Variants in DAOA observed in about 807,000 individuals in gnomAD.
DAOA encodes D-amino acid oxidase activator.
DAOA carries 15 observed loss-of-function variants against 16.4 expected under a neutral mutation model. The observed-to-expected ratio is 0.91, with a 90% confidence interval of 0.61 to 1.41. The LOEUF (loss-of-function observed/expected upper bound fraction) is 1.41, where lower values mean the gene tolerates loss of function less well. Among genes scored for constraint, DAOA ranks in the 40% most tolerant of loss-of-function variants. The pLI is 0.00. For missense variants in DAOA, 230 were observed against 176.8 expected (o/e 1.30, Z -1.71); for synonymous variants, 75 against 59.1 (o/e 1.27, Z -1.23).
At chr13:105,474,156 A>C (rs144129340) in intron 4 of DAOA, among the ~76,000 whole-genome samples, 44 of 152,206 alleles carry the variant, frequency 2.9e-4, no homozygotes, top group African/African-American at 1.0e-3. Context: ...TAAGTAATGA[A>C]ATTATTTATT....
intron 3 of DAOA, among the ~76,000 whole-genome samples, chr13:105,469,124 T>A (rs962445450): frequency 6.6e-6 from 1 of 152,304 alleles, no homozygotes; most frequent in Non-Finnish European, 1.5e-5. Context: ...GAGAGAGTTA[T>A]CATCTCATTA....
intron 4 of DAOA, among the ~76,000 whole-genome samples, chr13:105,478,041 T>C (rs1475983564): frequency 6.6e-6 from 1 of 152,232 alleles, no homozygotes; most frequent in Non-Finnish European, 1.5e-5. Context: ...TCTGTAATGA[T>C]AGTTAATACT....
chr13:105,473,583 T>C (rs1877141197), intron 4 of DAOA, among the ~76,000 whole-genome samples: 1 of 152,134 alleles, frequency 6.6e-6, no homozygotes, highest in Non-Finnish European at 1.5e-5. Flanking sequence ...CTAAAGCCCT[T>C]TAGTTTGCCA....
intron 4 of DAOA, among the ~76,000 whole-genome samples, chr13:105,473,270 A>G (rs971893860): frequency 4.5e-4 from 68 of 152,004 alleles, no homozygotes; most frequent in African/African-American, 1.6e-3. Context: ...AAGCTCTACC[A>G]AGCTACAATA....
At chr13:105,473,123 G>T (rs757309601) in intron 4 of DAOA, among the ~76,000 whole-genome samples, 20 of 151,614 alleles carry the variant, frequency 1.3e-4, no homozygotes, top group Non-Finnish European at 2.5e-4. Context: ...ACATGGGAAA[G>T]GAACAATGTA....
At chr13:105,479,126 A>G (rs560721185) in intron 4 of DAOA, among the ~76,000 whole-genome samples, 2 of 152,304 alleles carry the variant, frequency 1.3e-5, no homozygotes, top group East Asian at 1.9e-4. Context: ...CTCACCTTTT[A>G]GAACACAGCC....
At position 105,477,466 on chromosome 13, in the gene DAOA, T is replaced by A. The variant is rs528490422; in HGVS notation, c.281+4781T>A. 2.6e-5 allele frequency among the ~76,000 whole-genome samples: 4 copies of A among 152,352 alleles called. No homozygotes were observed. The South Asian group carries it at 8.3e-4, about 32-fold the overall frequency. ...GAAACTAACCAGGCATAGTGGCTCA[T>A]GCTTGTAATCCCATACTTTGGAAGG... is the stretch of plus-strand genomic sequence containing the variant. On this transcript the variant is annotated intron_variant, in intron 4 of 5. Transcript: ENST00000375936.
intron 4 of DAOA, among the ~76,000 whole-genome samples, chr13:105,483,337 T>A (rs1477905257): frequency 6.6e-6 from 1 of 152,242 alleles, no homozygotes; most frequent in African/African-American, 2.4e-5. Context: ...ATAATGAAGA[T>A]ATGCTTTTAC....
chr13:105,473,538 T>G (rs1364025091), intron 4 of DAOA, among the ~76,000 whole-genome samples: 1 of 152,170 alleles, frequency 6.6e-6, no homozygotes, highest in Non-Finnish European at 1.5e-5. Context: ...TCATGTTTTA[T>G]CTGAGGCTAT....
chr13:105,490,891 G>A (rs576722731), intron 5 of DAOA, 21 bp from the exon 6 acceptor site: 13 of 151,882 alleles, frequency 8.6e-5, no homozygotes, highest in Non-Finnish European at 1.9e-4. Flanking sequence ...TCTTATTATT[G>A]TTTTGTTTCC....
chr13:105,483,511 A>G (rs1167904820), intron 4 of DAOA, among the ~76,000 whole-genome samples: 2 of 152,168 alleles, frequency 1.3e-5, no homozygotes, highest in Non-Finnish European at 2.9e-5. Flanking sequence ...TATTCTCACC[A>G]ACACTTGATA....
chr13:105,476,247 C>T (rs1332050982), intron 4 of DAOA, among the ~76,000 whole-genome samples: 5 of 152,044 alleles, frequency 3.3e-5, no homozygotes, highest in Non-Finnish European at 7.4e-5. Flanking sequence ...AGAAATTAGC[C>T]TGGGAACATC....
chr13:105,471,771 T>C (rs1159628105), intron 3 of DAOA, among the ~76,000 whole-genome samples: 1 of 152,078 alleles, frequency 6.6e-6, no homozygotes, highest in African/African-American at 2.4e-5. Flanking sequence ...CTCCTTTGCA[T>C]TTTTCTGGAA....
chr13:105,486,569 T>A (rs1878124064), intron 4 of DAOA, among the ~76,000 whole-genome samples: 1 of 152,124 alleles, frequency 6.6e-6, no homozygotes, highest in African/African-American at 2.4e-5. Context: ...GCAGCATTCA[T>A]GAACGCTCTC....
chr13:105,488,421 A>G (rs1878282342), intron 4 of DAOA, among the ~76,000 whole-genome samples: 1 of 152,204 alleles, frequency 6.6e-6, no homozygotes, highest in Admixed American at 6.5e-5. Flanking sequence ...ATGTACACAC[A>G]ATGCTATTTG....
chr13:105,472,592 G>A lies in DAOA; in HGVS notation c.188G>A (p.Arg63Lys). ...ETVTRKEGWK[R>K]RHEDGYLEMA... is the part of the protein sequence containing the mutation. ...GTAACAAGGAAAGAAGGATGGAAGAGAAGGCATGAGGACGGCTATTTGGAA... is the reference window on the plus strand; with the variant it reads ...GTAACAAGGAAAGAAGGATGGAAGAAAAGGCATGAGGACGGCTATTTGGAA... The change falls in exon 4 of 6, where the codon AGA becomes AAA. Residue 63 changes from arginine (R) to lysine (K), a missense_variant. Physicochemically the swap from Arg to Lys is conservative, Grantham distance 26. Transcript: ENST00000375936. 1 of 1,614,092 alleles carries A rather than the reference G, an allele frequency of 6.2e-7. No individual in the cohort carries two copies. The highest frequency in any genetic ancestry group is 8.5e-7 in the Non-Finnish European group (1 of 1,179,972).
intron 4 of DAOA, among the ~76,000 whole-genome samples, chr13:105,482,254 T>C (rs573937408): frequency 2.4e-4 from 36 of 152,300 alleles, no homozygotes; most frequent in Non-Finnish European, 4.0e-4. Flanking sequence ...TTTCATCATT[T>C]CTCAGTCAAC....
At position 105,489,888 on chromosome 13, in the gene DAOA, G is replaced by C; in HGVS notation, c.282-13G>C. 6.2e-7 allele frequency: 1 copy of C among 1,613,724 alleles called. No individual in the cohort carries two copies. The highest frequency in any genetic ancestry group is 8.5e-7 in the Non-Finnish European group (1 of 1,179,842). On this transcript the variant is annotated splice_polypyrimidine_tract_variant and intron_variant, in intron 4 of 5. Transcript: ENST00000375936. The stretch of plus-strand genomic sequence containing the variant: ...CACAAGACCTGGCCAACTGAGACCG[G>C]ATCTCCTTACAGGCTTGAAGAAGTA...
intron 4 of DAOA, chr13:105,477,033 A>G (rs1877387916): frequency 6.6e-6 from 1 of 152,226 alleles, no homozygotes; most frequent in South Asian, 2.1e-4. Flanking sequence ...TAGTGGAAGA[A>G]CAACGTCACT....
Sources: allele counts gnomAD v4.1 joint callset (sites outside exome capture counted in the v4.1 genomes callset), GRCh38; gene constraint gnomAD v4.1.1; transcripts MANE v1.5; gene names NCBI Gene and HGNC (gene_info 2026-07-23, HGNC 2026-07-21).